Variants in SPARCL1 observed in about 807,000 individuals in gnomAD.
The protein encoded by SPARCL1 is SPARC-like protein 1.
SPARCL1 carries 52 observed loss-of-function variants against 67.1 expected under a neutral mutation model. That is an observed-to-expected ratio of 0.78 (90% CI 0.62 to 0.98). The LOEUF (loss-of-function observed/expected upper bound fraction) is 0.98. SPARCL1 is among the 50% of genes least tolerant of loss of function. SPARCL1 has a pLI of 0.00. For missense variants in SPARCL1, 717 were observed against 782.4 expected, an observed-to-expected ratio of 0.92 and a Z score of 1.00; for synonymous variants, 226 against 267.8, an observed-to-expected ratio of 0.84 and a Z score of 1.52.
Position 87,493,602 on chromosome 4 carries a change from C to G in SPARCL1, c.1198G>C (p.Glu400Gln), listed in dbSNP as rs139753398. The change falls in exon 4 of 11, where the codon GAG (glutamate) becomes CAG (glutamine). Residue 400 changes from glutamate (E) to glutamine (Q), a missense_variant. By Grantham distance (29) the Glu-to-Gln change is conservative. Transcript: ENST00000282470. Reference sequence around the variant, plus strand: ...TTTACCTCTTGGTGCTCTCCAGGCTCAGTGGTACCTATATTTTCATTTTCA... The same window carrying G: ...TTTACCTCTTGGTGCTCTCCAGGCTGAGTGGTACCTATATTTTCATTTTCA... ...VHENENIGTTEPGEHQEAKKA... is the reference protein window; with the variant it reads ...VHENENIGTTQPGEHQEAKKA... 1.7e-4 allele frequency: 270 copies of G among 1,610,966 alleles called. 1 individual carries two copies. The highest frequency in any genetic ancestry group is 1.3e-4 in the Admixed American group (8 of 59,708).
chr4:87,480,090 AG>A (rs1358930695), intron 9 of SPARCL1, among the ~76,000 whole-genome samples: 3 of 152,146 alleles, frequency 2.0e-5, no homozygotes, highest in African/African-American at 7.2e-5. Flanking sequence ...GACTTCAAAA[AG>A]TTCATTGAGA....
intron 1 of SPARCL1, among the ~76,000 whole-genome samples, chr4:87,520,686 A>C (rs1267802455): frequency 6.6e-6 from 1 of 152,194 alleles, no homozygotes; most frequent in African/African-American, 2.4e-5. Flanking sequence ...ATTGGATTTC[A>C]CCATGAAAGG....
chr4:87,476,456 C>T (rs961760820), intron 10 of SPARCL1, among the ~76,000 whole-genome samples: 14 of 152,108 alleles, frequency 9.2e-5, no homozygotes, highest in African/African-American at 2.4e-4. Flanking sequence ...ATTCTTTGGC[C>T]CCACCACAAT....
intron 1 of SPARCL1, among the ~76,000 whole-genome samples, chr4:87,527,094 C>T (rs977352682): frequency 6.6e-6 from 1 of 152,208 alleles, no homozygotes; most frequent in African/African-American, 2.4e-5. Flanking sequence ...TGCCTCCCCA[C>T]CTTTGGAACA....
At chr4:87,480,079 G>A (rs979629700) in intron 9 of SPARCL1, among the ~76,000 whole-genome samples, 1 of 151,356 alleles carries the variant, frequency 6.6e-6, no homozygotes, top group African/African-American at 2.4e-5. Flanking sequence ...TGTGATAAGG[G>A]GACTTCAAAA....
intron 3 of SPARCL1, 59 bp downstream of exon 3, chr4:87,494,922 G>T: frequency 6.9e-7 from 1 of 1,440,918 alleles, no homozygotes; most frequent in East Asian, 2.3e-5. Context: ...ACCATGCTTT[G>T]AAACTAAGAC....
At position 87,517,642 on chromosome 4, in the gene SPARCL1, C is replaced by T. The variant is rs555749704; in HGVS notation, c.-12+11403G>A. On this transcript the variant is annotated intron_variant, in intron 1 of 10. Coordinates refer to ENST00000282470, the MANE Select transcript of SPARCL1 (RefSeq NM_004684.6). ...CCTCTGACTGCTCTTATTTGAATTT[C>T]CCTTATTAGTTAAACTCTACCAGTA... 2.6e-5 allele frequency among the ~76,000 whole-genome samples: 4 copies of T among 152,234 alleles called. 1 individual carries two copies. Among genetic ancestry groups the T allele is most frequent in the Admixed American group, 2.6e-4 (4 of 15,296 alleles).
At position 87,473,784 on chromosome 4, in the gene SPARCL1, G is replaced by T; in HGVS notation, c.1986C>A (p.Leu662=). Residue 662 remains leucine, a synonymous_variant, in exon 11 of 11, where the codon CTC becomes CTA. Coordinates refer to ENST00000282470, the MANE Select transcript of SPARCL1 (RefSeq NM_004684.6). Reference sequence around the variant, plus strand: ...TCTTTAAAATCTTCGTTCAAAACAAGAGATTTTCATCTATGTCCTCTATAA... The same window carrying T: ...TCTTTAAAATCTTCGTTCAAAACAATAGATTTTCATCTATGTCCTCTATAA... ...GIKEEDIDEN[L]LF 6.2e-7 allele frequency: 1 copy of T among 1,609,522 alleles called. No individual in the cohort carries two copies. The highest frequency in any genetic ancestry group is 8.5e-7 in the Non-Finnish European group (1 of 1,176,852).
chr4:87,518,595 T>C (rs1276183307), intron 1 of SPARCL1, among the ~76,000 whole-genome samples: 1 of 152,188 alleles, frequency 6.6e-6, no homozygotes, highest in Admixed American at 6.5e-5. Flanking sequence ...GAGTACAAGA[T>C]CAATACGAGT....
At chr4:87,524,710 C>A (rs1157205635) in intron 1 of SPARCL1, among the ~76,000 whole-genome samples, 2 of 152,182 alleles carry the variant, frequency 1.3e-5, no homozygotes, top group Admixed American at 6.5e-5. Context: ...CTGATTAAAG[C>A]CTTCTTCATT....
chr4:87,512,834 A>G (rs948639733), intron 1 of SPARCL1, among the ~76,000 whole-genome samples: 2 of 152,212 alleles, frequency 1.3e-5, no homozygotes, highest in African/African-American at 4.8e-5. Flanking sequence ...GCAAGACAAT[A>G]TTTCATAACA....
chr4:87,514,794 G>T (rs1560452949), intron 1 of SPARCL1, among the ~76,000 whole-genome samples: 1 of 152,280 alleles, frequency 6.6e-6, no homozygotes, highest in East Asian at 1.9e-4. Context: ...ACAGAATGGA[G>T]AACTTTCCTG....
rs1723713645 is a variant in SPARCL1 at position 87,479,452 on chromosome 4, G to A, written c.1944C>T (p.Gly648=). The A allele has an allele frequency of 1.2e-6, 2 of 1,613,570 alleles. No homozygotes were observed. The highest frequency in any genetic ancestry group is 1.7e-6 in the Non-Finnish European group (2 of 1,179,968). Residue 648 remains glycine (G), a synonymous_variant, in exon 10 of 11, where the codon GGC becomes GGT. Transcript: ENST00000282470. ...KDKHITLKEW[G]HCFGIKEEDI... ...TACCTTCTTTAATTCCAAAGCAGTG[G>A]CCCCACTCCTTCAGGGTGATGTGCT...
chr4:87,517,964 C>G (rs1207623597), intron 1 of SPARCL1, among the ~76,000 whole-genome samples: 1 of 152,106 alleles, frequency 6.6e-6, no homozygotes, highest in East Asian at 1.9e-4. Context: ...GCATTCAGTC[C>G]CAGCAGAAGT....
chr4:87,501,535 A>G (rs941466517), intron 1 of SPARCL1, among the ~76,000 whole-genome samples: 3 of 151,990 alleles, frequency 2.0e-5, no homozygotes, highest in African/African-American at 4.8e-5. Flanking sequence ...TTTTTAAAAC[A>G]TTGGTCTATT....
chr4:87,491,618 CCACAGCATG>C lies in SPARCL1; in HGVS notation c.1282_1290del (p.His428_Val430del), dbSNP rs1560817385. On this transcript the variant is annotated inframe_deletion and splice_region_variant, in exon 5 of 11. Transcript: ENST00000282470. ...AACAGCTTGCTTCATGCATACTCAC[CCACAGCATG>C]CACCCTCATGTTGCCTTCACTTGAC... is the stretch of plus-strand genomic sequence containing the variant. 6.2e-7 allele frequency: 1 copy of C among 1,608,638 alleles called. No homozygotes were observed.
At position 87,473,773 on chromosome 4, in the gene SPARCL1, G is replaced by C. The variant is rs770032343; in HGVS notation, c.*2C>G. ...GAAAGTTGAGTTCTTTAAAATCTTC[G>C]TTCAAAACAAGAGATTTTCATCTAT... On this transcript the variant is annotated 3_prime_UTR_variant, in exon 11 of 11. Transcript: ENST00000282470. 7 of 1,607,250 alleles carry C rather than the reference G, an allele frequency of 4.4e-6. No homozygotes were observed. Among genetic ancestry groups the C allele is most frequent in the Non-Finnish European group, 6.0e-6 (7 of 1,175,238 alleles).
intron 10 of SPARCL1, among the ~76,000 whole-genome samples, chr4:87,474,844 G>A (rs532375346): frequency 6.6e-6 from 1 of 150,474 alleles, no homozygotes; most frequent in East Asian, 2.0e-4. Context: ...CCGGGTTCAC[G>A]CCATTCTCCT....
At position 87,493,750 on chromosome 4, in the gene SPARCL1, A is replaced by C. The variant is rs761107769; in HGVS notation, c.1050T>G (p.Thr350=). The C allele has an allele frequency of 8.1e-6, 13 of 1,614,018 alleles. No individual in the cohort carries two copies. Among genetic ancestry groups the C allele is most frequent in the Admixed American group, 6.7e-5 (4 of 59,996 alleles). The change falls in exon 4 of 11, where the codon ACT becomes ACG. Residue 350 remains threonine, a synonymous_variant. Coordinates refer to ENST00000282470, the MANE Select transcript of SPARCL1 (RefSeq NM_004684.6). ...DGDDDGDDGG[T]DGPRHSASDD... Reference sequence around the variant, plus strand: ...CACTTGCACTGTGCCTGGGGCCATCAGTGCCGCCATCATCGCCATCATCAT... The same window carrying C: ...CACTTGCACTGTGCCTGGGGCCATCCGTGCCGCCATCATCGCCATCATCAT...
Sources: allele counts gnomAD v4.1 joint callset (sites outside exome capture counted in the v4.1 genomes callset), GRCh38; gene constraint gnomAD v4.1.1; transcripts MANE v1.5; gene names NCBI Gene and HGNC (gene_info 2026-07-23, HGNC 2026-07-21).